Variants in LRRC37A2 observed in about 807,000 individuals in gnomAD.
The protein encoded by LRRC37A2 is leucine rich repeat containing 37 member A2.
A neutral mutation model predicts 68.8 loss-of-function variants in LRRC37A2; 9 were observed. That is an observed-to-expected ratio of 0.13 (90% CI 0.08 to 0.23). The LOEUF (loss-of-function observed/expected upper bound fraction) is 0.23. LRRC37A2 is among the 10% of genes least tolerant of loss of function. The pLI is 1.00. For synonymous variants in LRRC37A2, 63 were observed against 367.6 expected, an observed-to-expected ratio of 0.17 and a Z score of 9.48; for missense variants, 168 against 950.4, an observed-to-expected ratio of 0.18 and a Z score of 10.82.
At chr17:46,492,883 A>T in the LRRC37A2 span, among the ~76,000 whole-genome samples, 39 of 150,038 alleles carry the variant, frequency 2.6e-4, 5 homozygotes, top group Admixed American at 2.5e-3. Context: ...TTTAGTAGAG[A>T]CGGGGTTTCA....
chr17:46,918,596 GACACACACACACACACACACAC>G, the LRRC37A2 span, among the ~76,000 whole-genome samples: 5,046 of 146,758 alleles, frequency 0.034, 165 homozygotes, highest in African/African-American at 0.085. Context: ...ATAGCAGGCA[GACACACACACACACACACACAC>G]ACACACACAC....
the LRRC37A2 span, among the ~76,000 whole-genome samples, chr17:46,715,678 A>G: frequency 6.6e-6 from 1 of 152,204 alleles, no homozygotes; most frequent in East Asian, 1.9e-4. Context: ...GTGAGATATT[A>G]TCATTTTTAT....
At chr17:46,697,142 C>G in the LRRC37A2 span, among the ~76,000 whole-genome samples, 1 of 147,580 alleles carries the variant, frequency 6.8e-6, no homozygotes, top group African/African-American at 2.6e-5. Flanking sequence ...TCTTATTCAC[C>G]TCAGAGTCTC....
the LRRC37A2 span, among the ~76,000 whole-genome samples, chr17:46,610,193 T>A: frequency 1.0e-5 from 1 of 99,462 alleles, no homozygotes; most frequent in Non-Finnish European, 2.2e-5. Flanking sequence ...CTTGAACTCC[T>A]GGCCTCAAAT....
the LRRC37A2 span, among the ~76,000 whole-genome samples, chr17:46,896,434 G>A: frequency 5.8e-5 from 6 of 103,910 alleles, no homozygotes; most frequent in Middle Eastern, 4.3e-3. Flanking sequence ...AAGAAAGAAA[G>A]AAAGAAAGAA....
At chr17:46,944,361 C>T in the LRRC37A2 span, among the ~76,000 whole-genome samples, 1 of 152,224 alleles carries the variant, frequency 6.6e-6, no homozygotes, top group Non-Finnish European at 1.5e-5. Context: ...ACGGGCCACA[C>T]ACCTCTCAGC....
chr17:47,032,592 C>T, the LRRC37A2 span, among the ~76,000 whole-genome samples: 13 of 151,978 alleles, frequency 8.6e-5, no homozygotes, highest in Non-Finnish European at 1.6e-4. Flanking sequence ...GAGAATCCCA[C>T]GCTTCTGGAG....
At chr17:46,786,941 CTTTTTTTT>C in the LRRC37A2 span, among the ~76,000 whole-genome samples, 1 of 142,650 alleles carries the variant, frequency 7.0e-6, no homozygotes, top group African/African-American at 2.6e-5. Context: ...TTTCTTTTTT[CTTTTTTTT>C]TTTTTTGAGA....
At chr17:47,018,908 T>G in the LRRC37A2 span, 1 of 1,519,310 alleles carries the variant, frequency 6.6e-7, no homozygotes, top group Non-Finnish European at 9.1e-7. Flanking sequence ...AGACCCCAAC[T>G]CAGCCTCCTA....
chr17:46,777,941 C>G, the LRRC37A2 span, among the ~76,000 whole-genome samples: 1 of 152,190 alleles, frequency 6.6e-6, no homozygotes, highest in Non-Finnish European at 1.5e-5. Context: ...GACCTGGGAG[C>G]CATGGTGCCA....
intron 8 of LRRC37A2, among the ~76,000 whole-genome samples, chr17:46,543,833 A>G (rs1276382381): frequency 6.6e-6 from 1 of 150,636 alleles, no homozygotes; most frequent in East Asian, 1.9e-4. Context: ...CAGAAAAAGA[A>G]TACCAAAAAT....
chr17:46,713,847 A>G, the LRRC37A2 span: 2 of 1,609,086 alleles, frequency 1.2e-6, no homozygotes, highest in South Asian at 1.1e-5. Context: ...TCATATCTTT[A>G]TGCAGGCCCT....
chr17:46,876,536 C>T, the LRRC37A2 span: 4 of 1,613,682 alleles, frequency 2.5e-6, no homozygotes, highest in East Asian at 2.2e-5. Context: ...CAAGTACTCA[C>T]CTGGCACAGC....
chr17:47,032,405 A>G, the LRRC37A2 span, among the ~76,000 whole-genome samples: 1 of 152,000 alleles, frequency 6.6e-6, no homozygotes, highest in Admixed American at 6.6e-5. Flanking sequence ...GTAATTTGCT[A>G]AGGTTCACAC....
At chr17:46,735,829 C>T in the LRRC37A2 span, among the ~76,000 whole-genome samples, 1 of 152,096 alleles carries the variant, frequency 6.6e-6, no homozygotes, top group Non-Finnish European at 1.5e-5. Flanking sequence ...CCTGTAATCC[C>T]AGCGACTCGG....
chr17:47,037,775 T>C, the LRRC37A2 span, among the ~76,000 whole-genome samples: 1 of 152,202 alleles, frequency 6.6e-6, no homozygotes. Flanking sequence ...TGGAAAGTTT[T>C]TTGATTACTA....
chr17:47,013,285 A>C, the LRRC37A2 span, among the ~76,000 whole-genome samples: 2 of 152,236 alleles, frequency 1.3e-5, no homozygotes, highest in East Asian at 3.8e-4. Flanking sequence ...TGGTAGTTGC[A>C]TAACTCTGCA....
chr17:46,405,269 C>A, the LRRC37A2 span, among the ~76,000 whole-genome samples: 1 of 78,430 alleles, frequency 1.3e-5, no homozygotes, highest in Non-Finnish European at 3.5e-5. Flanking sequence ...TTTTTATACC[C>A]CAAAGGATTA....
the LRRC37A2 span, among the ~76,000 whole-genome samples, chr17:46,896,454 A>G: frequency 1.9e-4 from 21 of 110,210 alleles, no homozygotes; most frequent in Admixed American, 6.1e-4. Flanking sequence ...AAGAAAGAAA[A>G]AGAAAGAAAG....
Sources: gnomAD v4.1 joint callset for allele counts (sites outside exome capture counted in the v4.1 genomes callset) on GRCh38, gnomAD v4.1.1 for gene constraint, MANE v1.5 for transcripts, NCBI Gene and HGNC (gene_info 2026-07-23, HGNC 2026-07-21) for gene names.